ACTL8: variants seen among roughly 807,000 people sequenced by gnomAD.
ACTL8 encodes actin-like protein 8.
ACTL8 carries 3 observed loss-of-function variants against 9.3 expected under a neutral mutation model. That is an observed-to-expected ratio of 0.32 (90% CI 0.15 to 0.83). ACTL8 has a LOEUF of 0.83. ACTL8 is among the 40% of genes least tolerant of loss of function. The probability of loss-of-function intolerance (pLI) is 0.57; values close to 1 mark genes in which losing one functional copy is unlikely to be tolerated. For synonymous variants in ACTL8, 224 were observed against 205.9 expected (o/e 1.09, Z -0.75); for missense variants, 381 against 492.2 (o/e 0.77, Z 2.14).
intron 1 of ACTL8, among the ~76,000 whole-genome samples, chr1:17,811,006 A>G (rs1400679307): frequency 2.6e-5 from 4 of 152,328 alleles, no homozygotes; most frequent in East Asian, 1.9e-4. Flanking sequence ...GTACATAGGA[A>G]TAGGATTACT....
chr1:17,820,006 C>CA lies in ACTL8; in HGVS notation c.-24-2967dup, dbSNP rs79091819. On this transcript the variant is annotated intron_variant, in intron 1 of 2. Coordinates refer to ENST00000375406, the MANE Select transcript of ACTL8 (RefSeq NM_030812.3). ...CCTGCGCAAGAGCGAGATCCTGTCT[C>CA]AAAAAAAAAAAACTTTGTTTTTACT... 4.2e-3 allele frequency among the ~76,000 whole-genome samples: 585 copies of CA among 138,050 alleles called. 2 individuals carry two copies. Among genetic ancestry groups the CA allele is most frequent in the East Asian group, 7.2e-3 (35 of 4,838 alleles). The allele number at this position is 138,050 out of a possible 152,430, so 90.6% of individuals were successfully genotyped here. A position where few individuals can be genotyped will look rare whatever the true frequency, so the allele number is the denominator to read the frequency against.
At position 17,826,189 on chromosome 1, in the gene ACTL8, G is replaced by C; in HGVS notation, c.771G>C (p.Glu257Asp). 6.2e-7 allele frequency: 1 copy of C among 1,613,396 alleles called. No individual in the cohort carries two copies. The highest frequency in any genetic ancestry group is 8.5e-7 in the Non-Finnish European group (1 of 1,179,956). Residue 257 changes from glutamate (E) to aspartate (D), a missense_variant, in exon 3 of 3, where the codon GAG becomes GAC. Physicochemically the swap from Glu to Asp is conservative, Grantham distance 45. Coordinates refer to ENST00000375406, the MANE Select transcript of ACTL8 (RefSeq NM_030812.3). The surrounding 1 kb of genome is among the most constrained non-coding windows in gnomAD (Gnocchi z 4.5). Reference protein sequence around the residue: ...ELTPMQRVAPEMFFSPQVFEQ... With the variant: ...ELTPMQRVAPDMFFSPQVFEQ... ...CCCCCATGCAGCGGGTGGCTCCTGAGATGTTCTTTAGCCCGCAGGTGTTCG... is the reference window on the plus strand; with the variant it reads ...CCCCCATGCAGCGGGTGGCTCCTGACATGTTCTTTAGCCCGCAGGTGTTCG...
chr1:17,814,861 A>G (rs1034052212), intron 1 of ACTL8, among the ~76,000 whole-genome samples: 2 of 152,176 alleles, frequency 1.3e-5, no homozygotes, highest in Admixed American at 1.3e-4. Context: ...AAACAAGACA[A>G]TACATACCAT....
chr1:17,764,574 G>C (rs1417250810), intron 1 of ACTL8, among the ~76,000 whole-genome samples: 3 of 151,616 alleles, frequency 2.0e-5, no homozygotes, highest in African/African-American at 4.8e-5. Context: ...AAGCTTCTGG[G>C]CACCCCCCCA....
chr1:17,763,550 G>A (rs2066022657), intron 1 of ACTL8, among the ~76,000 whole-genome samples: 2 of 152,290 alleles, frequency 1.3e-5, no homozygotes. Flanking sequence ...CCTCCAGCCT[G>A]GAAGGAGGTT....
At chr1:17,803,187 A>T (rs191666588) in intron 1 of ACTL8, among the ~76,000 whole-genome samples, 2 of 152,144 alleles carry the variant, frequency 1.3e-5, no homozygotes, top group African/African-American at 4.8e-5. Flanking sequence ...TGATTGTTTT[A>T]TAAGGGGTTT....
Position 17,797,649 on chromosome 1 carries a change from G to A in ACTL8, c.-24-25336G>A, listed in dbSNP as rs552299959. ...TCAGAATGCAGTGTAGTGTGCAGTCGAGAGAATATTCTGGAAGCCCACAGG... is the reference window on the plus strand; with the variant it reads ...TCAGAATGCAGTGTAGTGTGCAGTCAAGAGAATATTCTGGAAGCCCACAGG... On this transcript the variant is annotated intron_variant, in intron 1 of 2. Transcript: ENST00000375406. Among the ~76,000 whole-genome samples, 13 of 152,296 alleles carry A rather than the reference G, an allele frequency of 8.5e-5. No individual in the cohort carries two copies. The East Asian group carries it at 2.1e-3, about 25-fold the overall frequency.
chr1:17,766,189 CT>C (rs2066043147), intron 1 of ACTL8, among the ~76,000 whole-genome samples: 1 of 152,144 alleles, frequency 6.6e-6, no homozygotes, highest in Non-Finnish European at 1.5e-5. Flanking sequence ...GGCTTTTTGA[CT>C]TTGGCTGCTT....
rs753029654 is a variant in ACTL8 at position 17,823,756 on chromosome 1, C to G, written c.348+400C>G. On this transcript the variant is annotated intron_variant, in intron 2 of 2. Coordinates refer to ENST00000375406, the MANE Select transcript of ACTL8 (RefSeq NM_030812.3). The surrounding 1 kb of genome is among the most constrained non-coding windows in gnomAD (Gnocchi z 5.3). ...AAAACAAACAAACAAAAAAACCCAA[C>G]AGAAACCAACAAATTGCCCCACAAA... is the stretch of plus-strand genomic sequence containing the variant. Among the ~76,000 whole-genome samples, 1 of 152,038 alleles carries G rather than the reference C, an allele frequency of 6.6e-6. No individual in the cohort carries two copies. Among genetic ancestry groups the G allele is most frequent in the Non-Finnish European group, 1.5e-5 (1 of 68,016 alleles).
intron 1 of ACTL8, among the ~76,000 whole-genome samples, chr1:17,783,673 G>A (rs916843185): frequency 4.6e-5 from 7 of 152,306 alleles, no homozygotes; most frequent in African/African-American, 1.7e-4. Context: ...CGGTCGTCGG[G>A]CTGGAGATGT....
intron 1 of ACTL8, among the ~76,000 whole-genome samples, chr1:17,768,916 C>T (rs978152740): frequency 6.6e-6 from 1 of 152,062 alleles, no homozygotes; most frequent in African/African-American, 2.4e-5. Context: ...GAGGAGTGGT[C>T]CACTGCTTCA....
intron 1 of ACTL8, among the ~76,000 whole-genome samples, chr1:17,765,698 C>T (rs963352788): frequency 6.6e-6 from 1 of 152,236 alleles, no homozygotes; most frequent in Non-Finnish European, 1.5e-5. Flanking sequence ...CTGATTCACT[C>T]ACTTATTCAC....
At chr1:17,774,748 G>C (rs992992437) in intron 1 of ACTL8, among the ~76,000 whole-genome samples, 2 of 152,140 alleles carry the variant, frequency 1.3e-5, no homozygotes, top group African/African-American at 4.8e-5. Context: ...GCAGCTTGTC[G>C]GGCCAGGCTC....
chr1:17,825,632 G>A (rs903441267), intron 2 of ACTL8, 135 bp from the exon 3 acceptor site: 37 of 1,169,538 alleles, frequency 3.2e-5, no homozygotes, highest in Non-Finnish European at 4.2e-5. Flanking sequence ...CACTGCATAA[G>A]CTCCAGGGGC....
Position 17,826,144 on chromosome 1 carries a change from C to T in ACTL8, c.726C>T (p.Asp242=), listed in dbSNP as rs754410089. ...AGAGCAACACCTATCAGCTCCCAGA[C>T]GGCTCCCGCGTGGAGCTGACCCCCA... The part of the protein sequence containing the change: ...LDESNTYQLP[D]GSRVELTPMQ... Residue 242 remains aspartate (D), a synonymous_variant, in exon 3 of 3, where the codon GAC becomes GAT. Coordinates refer to ENST00000375406, the MANE Select transcript of ACTL8 (RefSeq NM_030812.3). The surrounding 1 kb of genome is among the most constrained non-coding windows in gnomAD (Gnocchi z 4.5). 50 of 1,611,356 alleles carry T rather than the reference C, an allele frequency of 3.1e-5. No individual in the cohort carries two copies. The highest frequency in any genetic ancestry group is 5.3e-5 in the African/African-American group (4 of 74,902).
rs2066025032 is a variant in ACTL8 at position 17,763,840 on chromosome 1, TC to T, written c.-25+8337del. Among the ~76,000 whole-genome samples the T allele has an allele frequency of 2.0e-5, 3 of 152,298 alleles. No individual in the cohort carries two copies. In the South Asian group the frequency reaches 6.2e-4, roughly 32 times the overall value. On this transcript the variant is annotated intron_variant, in intron 1 of 2. Transcript: ENST00000375406. ...GAGTGTGCAGTGGGGGCTTCCGCCC[TC>T]GGGAAACAGGGGTTGGCCCTCTGGA...
At position 17,781,454 on chromosome 1, in the gene ACTL8, G is replaced by T. The variant is rs544296329; in HGVS notation, c.-25+25950G>T. On this transcript the variant is annotated intron_variant, in intron 1 of 2. Coordinates refer to ENST00000375406, the MANE Select transcript of ACTL8 (RefSeq NM_030812.3). ...TGGTTTTGCCATGTTGGCCAGGCTG[G>T]TCTTGAACTCCTGACCTCAGGTGAT... Among the ~76,000 whole-genome samples, 8 of 152,118 alleles carry T rather than the reference G, an allele frequency of 5.3e-5. No individual in the cohort carries two copies. In the South Asian group the frequency reaches 1.2e-3, roughly 24 times the overall value.
chr1:17,771,142 C>T (rs549456518), intron 1 of ACTL8, among the ~76,000 whole-genome samples: 5 of 152,310 alleles, frequency 3.3e-5, no homozygotes, highest in East Asian at 1.9e-4. Flanking sequence ...TGGTCTCTGT[C>T]GGACGCTGCA....
At chr1:17,816,481 G>C (rs1557446628) in intron 1 of ACTL8, among the ~76,000 whole-genome samples, 1 of 152,198 alleles carries the variant, frequency 6.6e-6, no homozygotes, top group Non-Finnish European at 1.5e-5. Flanking sequence ...TAGTATTACA[G>C]GCGTGAGCCT....
Sources: allele counts gnomAD v4.1 joint callset (sites outside exome capture counted in the v4.1 genomes callset), GRCh38; gene constraint gnomAD v4.1.1; non-coding constraint Gnocchi (gnomAD v3.1); transcripts MANE v1.5; gene names NCBI Gene and HGNC (gene_info 2026-07-23, HGNC 2026-07-21).